Variants in OXR1 observed in about 807,000 individuals in gnomAD.
OXR1 encodes oxidation resistance 1, also known as oxidation resistance protein 1.
A neutral mutation model predicts 104.6 loss-of-function variants in OXR1; 41 were observed. The observed-to-expected ratio is 0.39, with a 90% CI of 0.31 to 0.51. OXR1 has a LOEUF of 0.51. Among genes scored for constraint, OXR1 ranks in the 20% least tolerant of loss-of-function variants. OXR1 has a pLI of 0.77. For missense variants in OXR1, 955 were observed against 1,031.9 expected (o/e 0.93, Z 1.02); for synonymous variants, 348 against 348.4 (o/e 1.00, Z 0.01).
At chr8:106,563,296 C>CAAAAAAAAAAAA (rs145929849) in intron 3 of OXR1, among the ~76,000 whole-genome samples, 14 of 125,762 alleles carry the variant, frequency 1.1e-4, no homozygotes, top group South Asian at 2.5e-4. Context: ...AAATGGAAAG[C>CAAAAAAAAAAAA]AAAAAAAAAA....
At chr8:106,323,059 C>A (rs570741459) in intron 1 of OXR1, among the ~76,000 whole-genome samples, 26 of 152,098 alleles carry the variant, frequency 1.7e-4, no homozygotes, top group African/African-American at 3.1e-4. Flanking sequence ...TTATATGGAA[C>A]CAAAAAAGAG....
At chr8:106,446,844 A>G (rs539903825) in intron 2 of OXR1, among the ~76,000 whole-genome samples, 1 of 152,250 alleles carries the variant, frequency 6.6e-6, no homozygotes, top group East Asian at 1.9e-4. Context: ...AAACAGGAAG[A>G]TCACTTGAGA....
chr8:106,717,815 G>C (rs1832415053), intron 11 of OXR1, among the ~76,000 whole-genome samples: 1 of 99,710 alleles, frequency 1.0e-5, no homozygotes, highest in Non-Finnish European at 2.1e-5. Context: ...TACATCAGTT[G>C]TAGTAAATAT....
chr8:106,311,267 G>T (rs1036236685), intron 1 of OXR1, among the ~76,000 whole-genome samples: 1 of 151,664 alleles, frequency 6.6e-6, no homozygotes, highest in Non-Finnish European at 1.5e-5. Context: ...TTCTTATATC[G>T]GTTATAGTGT....
intron 2 of OXR1, among the ~76,000 whole-genome samples, chr8:106,405,058 G>GTGC (rs1818161561): frequency 1.3e-5 from 2 of 151,050 alleles, no homozygotes; most frequent in South Asian, 4.2e-4. Context: ...CAAACATGTA[G>GTGC]TATCAGTGCT....
At chr8:106,509,503 T>C (rs2130019870) in intron 2 of OXR1, among the ~76,000 whole-genome samples, 2 of 152,304 alleles carry the variant, frequency 1.3e-5, no homozygotes, top group Non-Finnish European at 2.9e-5. Context: ...TTCTAATCAA[T>C]AAAATTAAAA....
intron 1 of OXR1, among the ~76,000 whole-genome samples, chr8:106,338,226 A>G (rs1018618298): frequency 6.6e-6 from 1 of 152,106 alleles, no homozygotes; most frequent in Non-Finnish European, 1.5e-5. Context: ...AGGAGATTCT[A>G]TTCTATCCGA....
intron 2 of OXR1, among the ~76,000 whole-genome samples, chr8:106,395,234 G>A (rs1239207491): frequency 6.6e-6 from 1 of 152,110 alleles, no homozygotes; most frequent in Non-Finnish European, 1.5e-5. Context: ...ATAAGCAAAG[G>A]GGGCAGTCTA....
Position 106,498,933 on chromosome 8 carries a change from C to T in OXR1, c.24-20010C>T, listed in dbSNP as rs1262934682. Among the ~76,000 whole-genome samples, 2 of 16,132 alleles carry T rather than the reference C, an allele frequency of 1.2e-4. 1 individual carries two copies. The highest frequency in any genetic ancestry group is 3.5e-4 in the Non-Finnish European group (2 of 5,648). The allele number at this position is 16,132 out of a possible 152,430, so 10.6% of individuals were successfully genotyped here. A position where few individuals can be genotyped will look rare whatever the true frequency, so the allele number is the denominator to read the frequency against. On this transcript the variant is annotated intron_variant, in intron 2 of 16. Transcript: ENST00000517566. ...ATCCCAGCACTTTGGGAGGCCGAGG[C>T]GGGTGGATCATGAGGTCGGGAGATC... is the stretch of plus-strand genomic sequence containing the variant.
chr8:106,575,295 T>TA (rs1186932231), intron 3 of OXR1, among the ~76,000 whole-genome samples: 1 of 152,188 alleles, frequency 6.6e-6, no homozygotes, highest in African/African-American at 2.4e-5. Context: ...TAAAGGCTCT[T>TA]AATCTATATT....
intron 1 of OXR1, chr8:106,272,334 T>C (rs1304280397): frequency 6.6e-6 from 1 of 152,196 alleles, no homozygotes; most frequent in African/African-American, 2.4e-5. Context: ...AGAGAGACTT[T>C]ACCAGATGCA....
intron 3 of OXR1, among the ~76,000 whole-genome samples, chr8:106,552,971 C>G (rs1018542302): frequency 1.3e-5 from 2 of 152,106 alleles, no homozygotes; most frequent in African/African-American, 4.8e-5. Context: ...GTTTTATTCT[C>G]CTTCTCTTTT....
At chr8:106,727,531 C>T (rs1833463257) in intron 11 of OXR1, among the ~76,000 whole-genome samples, 1 of 152,126 alleles carries the variant, frequency 6.6e-6, no homozygotes, top group African/African-American at 2.4e-5. Flanking sequence ...GATCTTCCTG[C>T]CTCAGCCCGG....
chr8:106,320,601 ATAAAATTACCCTGTGTTTT>A (rs1472711964), intron 1 of OXR1, among the ~76,000 whole-genome samples: 1 of 152,112 alleles, frequency 6.6e-6, no homozygotes, highest in African/African-American at 2.4e-5. Flanking sequence ...GTGATTAAGT[ATAAAATTACCCTGTGTTTT>A]TAATTCTTAT....
rs115306850 is a variant in OXR1 at position 106,681,812 on chromosome 8, A to C, written c.304-1387A>C. Among the ~76,000 whole-genome samples the C allele has an allele frequency of 6.2e-3, 942 of 152,270 alleles. 12 individuals carry two copies. The highest frequency in any genetic ancestry group is 0.021 in the African/African-American group (888 of 41,550). On this transcript the variant is annotated intron_variant, in intron 4 of 16. Transcript: ENST00000517566. ...AATGCTGGAATTACAGGCATGACCC[A>C]CCATGTCTGACCTCTGAATGCCTCT...
intron 2 of OXR1, among the ~76,000 whole-genome samples, chr8:106,365,039 T>C (rs1001711884): frequency 2.6e-5 from 4 of 152,054 alleles, no homozygotes; most frequent in African/African-American, 4.8e-5. Context: ...TGTGGATAAA[T>C]AGAGATTGTA....
At chr8:106,669,921 TA>T (rs1280040702) in intron 3 of OXR1, among the ~76,000 whole-genome samples, 2 of 152,168 alleles carry the variant, frequency 1.3e-5, no homozygotes, top group Non-Finnish European at 2.9e-5. Context: ...GAGAACAATT[TA>T]AAAAGCTGGA....
intron 2 of OXR1, among the ~76,000 whole-genome samples, chr8:106,513,246 G>A (rs1812651254): frequency 6.6e-6 from 1 of 151,926 alleles, no homozygotes; most frequent in Non-Finnish European, 1.5e-5. Context: ...CCTGCTCCTT[G>A]GAGAGCTGGT....
chr8:106,367,512 T>G (rs958839184), intron 2 of OXR1, among the ~76,000 whole-genome samples: 7 of 152,186 alleles, frequency 4.6e-5, no homozygotes, highest in Admixed American at 4.6e-4. Context: ...ATTATTTTTA[T>G]TAAATTAGAA....
Sources: allele counts gnomAD v4.1 joint callset (sites outside exome capture counted in the v4.1 genomes callset), GRCh38; gene constraint gnomAD v4.1.1; transcripts MANE v1.5; gene names NCBI Gene and HGNC (gene_info 2026-07-23, HGNC 2026-07-21).